IQSEC1: variants seen among roughly 807,000 people sequenced by gnomAD.
IQSEC1 encodes IQ motif and Sec7 domain ArfGEF 1.
Under a neutral mutation model 91.0 loss-of-function variants are expected in IQSEC1, and 31 were observed. That is an observed-to-expected ratio of 0.34 (90% confidence interval 0.26 to 0.46). IQSEC1 has a LOEUF of 0.46. IQSEC1 is among the 20% of genes least tolerant of loss of function. IQSEC1 has a pLI of 1.00. For missense variants in IQSEC1, 1,388 were observed against 1,575.6 expected (o/e 0.88, Z 2.02); for synonymous variants, 699 against 662.6 (o/e 1.05, Z -0.84).
intron 12 of IQSEC1, among the ~76,000 whole-genome samples, chr3:12,905,647 A>G (rs1454951476): frequency 6.6e-6 from 1 of 152,212 alleles, no homozygotes; most frequent in Non-Finnish European, 1.5e-5. Flanking sequence ...TGGCCAGGGC[A>G]AGAGGAAGCA....
chr3:12,992,284 T>C lies in IQSEC1; in HGVS notation c.24-50419A>G, dbSNP rs1249964968. On this transcript the variant is annotated intron_variant, in intron 1 of 13. Coordinates refer to ENST00000613206, the MANE Select transcript of IQSEC1 (RefSeq NM_001134382.3). This position sits in a 1 kb window ranked among gnomAD's most constrained non-coding sequence, Gnocchi z 4.1. Reference sequence around the variant, plus strand: ...CCCTCCGGCACTGATGCTTAATGGCTGGGCTGTGGGCATTGTGGCCACCCC... The same window carrying C: ...CCCTCCGGCACTGATGCTTAATGGCCGGGCTGTGGGCATTGTGGCCACCCC... Among the ~76,000 whole-genome samples, 1 of 145,566 alleles carries C rather than the reference T, an allele frequency of 6.9e-6. No individual in the cohort carries two copies. Among genetic ancestry groups the C allele is most frequent in the East Asian group, 2.0e-4 (1 of 4,882 alleles).
chr3:13,101,361 A>G (rs1245538106), intron 2 of IQSEC1, among the ~76,000 whole-genome samples: 3 of 150,694 alleles, frequency 2.0e-5, no homozygotes, highest in African/African-American at 4.9e-5. Flanking sequence ...GGCGTCTCCA[A>G]TGAGCCGAGA....
intron 1 of IQSEC1, among the ~76,000 whole-genome samples, chr3:13,064,666 G>A (rs1190923647): frequency 3.3e-5 from 5 of 152,234 alleles, no homozygotes; most frequent in Non-Finnish European, 7.3e-5. Context: ...CCTCGACTGC[G>A]AGAGCAGTTG....
At chr3:13,205,118 G>A (rs1323433353) in intron 1 of IQSEC1, among the ~76,000 whole-genome samples, 1 of 152,112 alleles carries the variant, frequency 6.6e-6, no homozygotes, top group African/African-American at 2.4e-5. Context: ...GTTTTCTACA[G>A]TTCTGAGCAG....
At chr3:13,200,853 A>G (rs750028585) in intron 1 of IQSEC1, among the ~76,000 whole-genome samples, 1 of 152,122 alleles carries the variant, frequency 6.6e-6, no homozygotes, top group Non-Finnish European at 1.5e-5. Context: ...TCTCATTTCT[A>G]AGTTAGAAAT....
chr3:13,177,130 G>C (rs1478335155), intron 1 of IQSEC1, among the ~76,000 whole-genome samples: 1 of 152,190 alleles, frequency 6.6e-6, no homozygotes, highest in African/African-American at 2.4e-5. Context: ...CAATGGCGAG[G>C]GGTGTACAAG....
At position 12,992,710 on chromosome 3, in the gene IQSEC1, G is replaced by C. The variant is rs1702043595; in HGVS notation, c.24-50845C>G. Among the ~76,000 whole-genome samples, 1 of 152,236 alleles carries C rather than the reference G, an allele frequency of 6.6e-6. No individual in the cohort carries two copies. Among genetic ancestry groups the C allele is most frequent in the African/African-American group, 2.4e-5 (1 of 41,460 alleles). ...AGAGCAACACTCACAAAGCTGACCA[G>C]GCAGAGCCGACTGCTGTCCTTGTGA... On this transcript the variant is annotated intron_variant, in intron 1 of 13. Transcript: ENST00000613206. The surrounding 1 kb of genome is among the most constrained non-coding windows in gnomAD (Gnocchi z 4.1).
intron 1 of IQSEC1, among the ~76,000 whole-genome samples, chr3:13,019,829 CCTGT>C (rs897886509): frequency 1.3e-5 from 2 of 152,190 alleles, no homozygotes; most frequent in African/African-American, 2.4e-5. Flanking sequence ...TGTGAAGCTA[CCTGT>C]CTATCACCAC....
At chr3:13,133,038 C>A (rs1009304998) in intron 2 of IQSEC1, among the ~76,000 whole-genome samples, 1 of 152,232 alleles carries the variant, frequency 6.6e-6, no homozygotes, top group Non-Finnish European at 1.5e-5. Flanking sequence ...ATCGACATGG[C>A]CTGAATGAAC....
At chr3:12,927,261 C>T (rs1026626182) in intron 3 of IQSEC1, among the ~76,000 whole-genome samples, 3 of 152,174 alleles carry the variant, frequency 2.0e-5, no homozygotes, top group Non-Finnish European at 4.4e-5. Flanking sequence ...GAAGAGTGCA[C>T]AAAAAATCTG....
At chr3:12,980,427 T>G (rs183826965) in intron 1 of IQSEC1, among the ~76,000 whole-genome samples, 53 of 152,324 alleles carry the variant, frequency 3.5e-4, no homozygotes, top group Admixed American at 2.7e-3. Flanking sequence ...TGAGCATCCC[T>G]CATGCAACAC....
At chr3:13,197,411 A>C (rs75208027) in intron 1 of IQSEC1, among the ~76,000 whole-genome samples, 11 of 152,254 alleles carry the variant, frequency 7.2e-5, no homozygotes. Context: ...AGCCTGGCAG[A>C]CAGGACGTGC....
intron 1 of IQSEC1, among the ~76,000 whole-genome samples, chr3:13,171,303 G>T (rs1392396858): frequency 6.6e-6 from 1 of 152,154 alleles, no homozygotes; most frequent in Non-Finnish European, 1.5e-5. Context: ...GGACACAGGA[G>T]AAAAGGTTTT....
At chr3:13,225,992 T>C (rs1397195666) in intron 1 of IQSEC1, among the ~76,000 whole-genome samples, 1 of 152,152 alleles carries the variant, frequency 6.6e-6, no homozygotes, top group Non-Finnish European at 1.5e-5. Context: ...TCAATTCTCC[T>C]GCCTTAGCCT....
intron 2 of IQSEC1, among the ~76,000 whole-genome samples, chr3:13,080,532 C>T (rs1705631918): frequency 6.6e-6 from 1 of 152,062 alleles, no homozygotes; most frequent in South Asian, 2.1e-4. Context: ...TGGCTGGAGG[C>T]TCAGCCCTGC....
chr3:13,117,431 G>A (rs1479610975), intron 2 of IQSEC1, among the ~76,000 whole-genome samples: 5 of 149,776 alleles, frequency 3.3e-5, no homozygotes, highest in South Asian at 4.3e-4. Context: ...CTAAAAATAC[G>A]AAAAATTAAC....
chr3:12,899,202 A>G lies in IQSEC1; in HGVS notation c.*1781T>C, dbSNP rs1185456006. On this transcript the variant is annotated 3_prime_UTR_variant, in exon 14 of 14. Transcript: ENST00000613206. ...GAGGGAAATCGGCAAAACCCTGGCC[A>G]GCCAGCCAGCCAAGGTGACACACAG... 2.5e-5 allele frequency: 16 copies of G among 628,336 alleles called. No individual in the cohort carries two copies. Among genetic ancestry groups the G allele is most frequent in the South Asian group, 4.0e-5 (2 of 49,890 alleles). The allele number at this position is 628,336 out of a possible 1,614,324, so 38.9% of individuals were successfully genotyped here.
At chr3:13,278,365 C>T (rs1406632823) in intron 1 of IQSEC1, among the ~76,000 whole-genome samples, 2 of 152,224 alleles carry the variant, frequency 1.3e-5, no homozygotes, top group African/African-American at 4.8e-5. Context: ...ACTGCCACCC[C>T]ACGTGACACC....
At position 13,214,359 on chromosome 3, in the gene IQSEC1, CG is replaced by C. The variant is rs1694502310; in HGVS notation, c.273-50227del. ...ACCCTTGTCCAGGAGCTGCCCAGGC[CG>C]ACTCCTCACCCCGTCCCACAGCCAG... is the stretch of plus-strand genomic sequence containing the variant. On this transcript the variant is annotated intron_variant, in intron 1 of 15. Coordinates refer to the IQSEC1 transcript ENST00000648114. The surrounding 1 kb of genome is among the most constrained non-coding windows in gnomAD (Gnocchi z 4.5). 6.6e-6 allele frequency among the ~76,000 whole-genome samples: 1 copy of C among 152,204 alleles called. No homozygotes were observed. Among genetic ancestry groups the C allele is most frequent in the Non-Finnish European group, 1.5e-5 (1 of 68,040 alleles).
Sources: allele counts gnomAD v4.1 joint callset (sites outside exome capture counted in the v4.1 genomes callset), GRCh38; gene constraint gnomAD v4.1.1; non-coding constraint Gnocchi (gnomAD v3.1); transcripts MANE v1.5; gene names NCBI Gene and HGNC (gene_info 2026-07-23, HGNC 2026-07-21).